Variants in MAD1L1 observed in about 807,000 individuals in gnomAD.
MAD1L1 encodes mitotic arrest deficient 1 like 1, also known as mitotic spindle assembly checkpoint protein MAD1.
MAD1L1 carries 95 observed loss-of-function variants against 96.9 expected under a neutral mutation model. The observed-to-expected ratio is 0.98, with a 90% confidence interval of 0.83 to 1.16. The LOEUF is 1.16. MAD1L1 is among the 50% of genes most tolerant of loss of function. The pLI is 0.00. For synonymous variants in MAD1L1, 473 were observed against 396.6 expected (o/e 1.19, Z -2.29); for missense variants, 1,007 against 954.4 (o/e 1.06, Z -0.73).
chr7:2,121,752 C>G (rs1282814874), intron 11 of MAD1L1, among the ~76,000 whole-genome samples: 2 of 152,164 alleles, frequency 1.3e-5, no homozygotes, highest in Non-Finnish European at 2.9e-5. Flanking sequence ...TTTCTACGAG[C>G]CTGATGATGT....
intron 11 of MAD1L1, among the ~76,000 whole-genome samples, chr7:2,106,047 C>T (rs979916554): frequency 2.0e-5 from 3 of 148,598 alleles, no homozygotes; most frequent in East Asian, 2.0e-4. Context: ...CTGCCCAGCA[C>T]GAAGCCCCAC....
intron 18 of MAD1L1, chr7:1,846,593 G>C (rs1418077111): frequency 6.4e-6 from 1 of 155,416 alleles, no homozygotes; most frequent in African/African-American, 2.4e-5. Flanking sequence ...CTGGGACCAG[G>C]AGCTGCCCCC....
At chr7:2,231,716 A>G (rs534925980) in intron 1 of MAD1L1, among the ~76,000 whole-genome samples, 5 of 152,120 alleles carry the variant, frequency 3.3e-5, no homozygotes, top group African/African-American at 7.2e-5. Flanking sequence ...GCTCATTTTC[A>G]TTGTTTATTT....
At chr7:1,975,419 C>T (rs772689341) in intron 15 of MAD1L1, among the ~76,000 whole-genome samples, 1 of 152,192 alleles carries the variant, frequency 6.6e-6, no homozygotes, top group Non-Finnish European at 1.5e-5. Flanking sequence ...GGCTGCAGAA[C>T]AGGACAGAAC....
intron 12 of MAD1L1, among the ~76,000 whole-genome samples, chr7:2,056,892 G>A (rs1459083957): frequency 1.3e-5 from 2 of 152,166 alleles, no homozygotes; most frequent in Non-Finnish European, 2.9e-5. Context: ...CCGGGGAGAC[G>A]TGGCACCTCG....
At chr7:1,949,746 T>C (rs1459974472) in intron 16 of MAD1L1, among the ~76,000 whole-genome samples, 1 of 152,234 alleles carries the variant, frequency 6.6e-6, no homozygotes, top group Non-Finnish European at 1.5e-5. Context: ...ACGCAGTGCC[T>C]GCAGCAGCGG....
chr7:1,816,172 G>T lies in MAD1L1; in HGVS notation c.2055C>A (p.Thr685=), dbSNP rs377713158. The part of the protein sequence containing the change: ...MQLLETEFSH[T]VGELIEVHLR... ...GGTGCACCTCGATGAGCTCGCCCAC[G>T]GTGTGTGAGAACTCTGTCTCCAGTA... Residue 685 remains threonine, a synonymous_variant, in exon 19 of 19, where the codon ACC becomes ACA. Coordinates refer to ENST00000265854, the MANE Select transcript of MAD1L1 (RefSeq NM_001013836.2). 1.2e-6 allele frequency: 2 copies of T among 1,613,554 alleles called. No homozygotes were observed. The highest frequency in any genetic ancestry group is 1.7e-6 in the Non-Finnish European group (2 of 1,179,902).
intron 18 of MAD1L1, chr7:1,845,220 C>T (rs975730468): frequency 2.0e-5 from 3 of 152,302 alleles, no homozygotes; most frequent in Non-Finnish European, 4.4e-5. Context: ...CCTATCTTGT[C>T]TGTAGCTTTC....
rs372279650 is a variant in MAD1L1 at position 2,068,344 on chromosome 7, G to A, written c.1218+850C>T. On this transcript the variant is annotated intron_variant, in intron 12 of 18. Coordinates refer to ENST00000265854, the MANE Select transcript of MAD1L1 (RefSeq NM_001013836.2). ...AGCTGTAAAACAGCATCTTTGGAACGGAAATGTTACTCATTTTCTAAAAGC... is the reference window on the plus strand; with the variant it reads ...AGCTGTAAAACAGCATCTTTGGAACAGAAATGTTACTCATTTTCTAAAAGC... Among the ~76,000 whole-genome samples the A allele has an allele frequency of 3.3e-4, 51 of 152,328 alleles. 1 individual carries two copies. The highest frequency in any genetic ancestry group is 1.0e-3 in the African/African-American group (42 of 41,572).
At chr7:1,842,812 C>G (rs1244843200) in intron 18 of MAD1L1, among the ~76,000 whole-genome samples, 1 of 152,248 alleles carries the variant, frequency 6.6e-6, no homozygotes, top group Non-Finnish European at 1.5e-5. Flanking sequence ...GAGTGCTGCA[C>G]AGCTGCGTCC....
At chr7:2,130,638 A>G (rs1459644849) in intron 11 of MAD1L1, among the ~76,000 whole-genome samples, 1 of 152,190 alleles carries the variant, frequency 6.6e-6, no homozygotes, top group Non-Finnish European at 1.5e-5. Flanking sequence ...TGCCAGGGGG[A>G]AAAAGTTAAG....
At chr7:2,083,042 G>A (rs1232806466) in intron 11 of MAD1L1, among the ~76,000 whole-genome samples, 9 of 152,208 alleles carry the variant, frequency 5.9e-5, no homozygotes, top group South Asian at 4.1e-4. Context: ...GCCCCCAGGG[G>A]GAAGAGCCGT....
chr7:1,962,468 C>T (rs531631887), intron 15 of MAD1L1, among the ~76,000 whole-genome samples: 11 of 152,188 alleles, frequency 7.2e-5, no homozygotes, highest in Admixed American at 4.6e-4. Flanking sequence ...TGGACTTTAT[C>T]ATAAAAAAAC....
At chr7:1,843,526 T>A (rs1044295704) in intron 18 of MAD1L1, among the ~76,000 whole-genome samples, 5 of 152,200 alleles carry the variant, frequency 3.3e-5, no homozygotes, top group Non-Finnish European at 4.4e-5. Flanking sequence ...GCTGAGGGCC[T>A]CCTGAAGTGC....
At chr7:1,983,475 T>G (rs1270354470) in intron 14 of MAD1L1, among the ~76,000 whole-genome samples, 2 of 152,210 alleles carry the variant, frequency 1.3e-5, no homozygotes, top group Non-Finnish European at 2.9e-5. Context: ...AGGTAACATT[T>G]CCCTAAAACG....
intron 11 of MAD1L1, among the ~76,000 whole-genome samples, chr7:2,079,370 A>T (rs1475662603): frequency 1.3e-5 from 2 of 152,264 alleles, no homozygotes; most frequent in Non-Finnish European, 1.5e-5. Flanking sequence ...AAAAAAATAA[A>T]AATCCAAACA....
intron 17 of MAD1L1, among the ~76,000 whole-genome samples, chr7:1,902,773 A>C (rs1232703779): frequency 6.6e-6 from 1 of 152,248 alleles, no homozygotes; most frequent in African/African-American, 2.4e-5. Flanking sequence ...GCAGTGGCCT[A>C]CGGAAGACGA....
In MAD1L1 at chr7:1,898,209, G is replaced by C. The variant is rs747312789; in HGVS notation, c.1989C>G (p.Leu663=). The C allele has an allele frequency of 6.2e-7, 1 of 1,609,500 alleles. No individual in the cohort carries two copies. Among genetic ancestry groups the C allele is most frequent in the East Asian group, 2.2e-5 (1 of 44,720 alleles). The change falls in exon 18 of 19, where the codon CTC becomes CTG. Residue 663 remains leucine, a synonymous_variant. Transcript: ENST00000265854. ...SLYAEHPGDC[L]IFKATSPSGS... Reference sequence around the variant, plus strand: ...CACACGCAGGACCCACCTTGAAGATGAGGCAGTCGCCTGGGTGCTCGGCGT... The same window carrying C: ...CACACGCAGGACCCACCTTGAAGATCAGGCAGTCGCCTGGGTGCTCGGCGT...
At chr7:2,080,063 A>T (rs1584270315) in intron 11 of MAD1L1, 1 of 228,534 alleles carries the variant, frequency 4.4e-6, no homozygotes, top group East Asian at 1.4e-4. Flanking sequence ...ACAGGACAGA[A>T]GCCCCAAGGG....
Sources: gnomAD v4.1 joint callset for allele counts (sites outside exome capture counted in the v4.1 genomes callset) on GRCh38, gnomAD v4.1.1 for gene constraint, MANE v1.5 for transcripts, NCBI Gene and HGNC (gene_info 2026-07-23, HGNC 2026-07-21) for gene names.